Variants in TAFA5 observed in about 807,000 individuals in gnomAD.
TAFA5 encodes chemokine-like protein TAFA-5.
A neutral mutation model predicts 15.3 loss-of-function variants in TAFA5; 6 were observed. That is an observed-to-expected ratio of 0.39 (90% confidence interval 0.21 to 0.77). The LOEUF (loss-of-function observed/expected upper bound fraction) is 0.77, where lower values mean the gene tolerates loss of function less well. Among genes scored for constraint, TAFA5 ranks in the 30% least tolerant of loss-of-function variants. TAFA5 has a pLI of 0.41. For synonymous variants in TAFA5, 103 were observed against 80.7 expected, an observed-to-expected ratio of 1.28 and a Z score of -1.48; for missense variants, 161 against 193.1, an observed-to-expected ratio of 0.83 and a Z score of 0.98.
intron 1 of TAFA5, among the ~76,000 whole-genome samples, chr22:48,602,177 G>A (rs1265099923): frequency 1.3e-5 from 2 of 152,232 alleles, no homozygotes; most frequent in South Asian, 2.1e-4. Context: ...AGGCAGTGAA[G>A]GGGCCTCTCC....
chr22:48,513,673 G>C (rs1248607246), intron 1 of TAFA5, among the ~76,000 whole-genome samples: 2 of 152,236 alleles, frequency 1.3e-5, no homozygotes, highest in Non-Finnish European at 2.9e-5. Context: ...CTGTGGTTCT[G>C]ACAGGGCCCT....
In TAFA5 at chr22:48,583,256, CACTA is replaced by C. The variant is rs1409264923; in HGVS notation, c.113-63340_113-63337del. Among the ~76,000 whole-genome samples, 3 of 147,244 alleles carry C rather than the reference CACTA, an allele frequency of 2.0e-5. No homozygotes were observed. In the East Asian group the frequency reaches 6.2e-4, roughly 31 times the overall value. On this transcript the variant is annotated intron_variant, in intron 1 of 3. Coordinates refer to ENST00000402357, the MANE Select transcript of TAFA5 (RefSeq NM_001082967.3). The stretch of plus-strand genomic sequence containing the variant: ...CACCACACACCGCACACACACCACA[CACTA>C]TACACACACCACACACCACACACAA...
chr22:48,635,109 G>A (rs1256055539), intron 1 of TAFA5, among the ~76,000 whole-genome samples: 2 of 152,116 alleles, frequency 1.3e-5, no homozygotes, highest in Non-Finnish European at 2.9e-5. Flanking sequence ...GGAGAACGCA[G>A]AGCACAGCCG....
intron 2 of TAFA5, among the ~76,000 whole-genome samples, chr22:48,682,365 G>A (rs1309255553): frequency 6.6e-6 from 1 of 152,218 alleles, no homozygotes; most frequent in Non-Finnish European, 1.5e-5. Context: ...AGGGGTTGGG[G>A]CAGAAGGGGT....
rs185105103 is a variant in TAFA5 at position 48,557,763 on chromosome 22, G to A, written c.112+68059G>A. ...CCTTCCTGACCTGCCCTTAGCAGGC[G>A]GTGATGGGCGATCATTGTTCAGGGA... On this transcript the variant is annotated intron_variant, in intron 1 of 3. Coordinates refer to ENST00000402357, the MANE Select transcript of TAFA5 (RefSeq NM_001082967.3). 5.3e-5 allele frequency among the ~76,000 whole-genome samples: 8 copies of A among 152,332 alleles called. No individual in the cohort carries two copies. In the East Asian group the frequency reaches 1.2e-3, roughly 22 times the overall value.
chr22:48,595,668 G>A (rs1463274694), intron 1 of TAFA5, among the ~76,000 whole-genome samples: 1 of 152,284 alleles, frequency 6.6e-6, no homozygotes, highest in East Asian at 1.9e-4. Flanking sequence ...CCATCAGGCT[G>A]CAGGGGACGG....
intron 1 of TAFA5, among the ~76,000 whole-genome samples, chr22:48,608,881 G>C (rs562174534): frequency 6.6e-6 from 1 of 152,368 alleles, no homozygotes; most frequent in South Asian, 2.1e-4. Flanking sequence ...AACACCCCAG[G>C]TTTGCAGCCC....
chr22:48,520,864 C>T (rs1300436912), intron 1 of TAFA5, among the ~76,000 whole-genome samples: 6 of 152,142 alleles, frequency 3.9e-5, no homozygotes, highest in Non-Finnish European at 8.8e-5. Flanking sequence ...GGCTTCAGCA[C>T]ATCCCTCAGG....
At position 48,732,249 on chromosome 22, in the gene TAFA5, TTTG is replaced by T. The variant is rs1170715379; in HGVS notation, c.391-17584_391-17582del. 1.1e-4 allele frequency among the ~76,000 whole-genome samples: 9 copies of T among 80,704 alleles called. No homozygotes were observed. The East Asian group carries it at 1.4e-3, about 13-fold the overall frequency. The allele number at this position is 80,704 out of a possible 152,430, so 52.9% of individuals were successfully genotyped here. A position where few individuals can be genotyped will look rare whatever the true frequency, so the allele number is the denominator to read the frequency against. On this transcript the variant is annotated intron_variant, in intron 3 of 3. Transcript: ENST00000402357. ...GGGATAAGCAATGAAAGTGGGTTTT[TTTG>T]TTGTTTTGTTTTTCTGAGACGGAGT...
chr22:48,501,515 A>G (rs1409923087), intron 1 of TAFA5, among the ~76,000 whole-genome samples: 1 of 152,048 alleles, frequency 6.6e-6, no homozygotes, highest in Non-Finnish European at 1.5e-5. Flanking sequence ...TCTCCAAGGG[A>G]AGGGGCAGTC....
chr22:48,523,402 C>T (rs1921674247), intron 1 of TAFA5, among the ~76,000 whole-genome samples: 2 of 152,256 alleles, frequency 1.3e-5, no homozygotes, highest in Admixed American at 6.5e-5. Flanking sequence ...GGCCGGCTCG[C>T]GGCATTCCGC....
At chr22:48,673,381 G>A (rs2147223575) in intron 2 of TAFA5, among the ~76,000 whole-genome samples, 1 of 152,262 alleles carries the variant, frequency 6.6e-6, no homozygotes, top group South Asian at 2.1e-4. Context: ...CCTGCTGTCA[G>A]TTTCCCTCCC....
chr22:48,626,303 C>A (rs960541434), intron 1 of TAFA5, among the ~76,000 whole-genome samples: 2 of 152,156 alleles, frequency 1.3e-5, no homozygotes, highest in African/African-American at 4.8e-5. Flanking sequence ...TTATATCGGA[C>A]CCCCGCCGGC....
intron 2 of TAFA5, among the ~76,000 whole-genome samples, chr22:48,671,219 C>T (rs998434446): frequency 4.6e-5 from 7 of 152,248 alleles, no homozygotes; most frequent in East Asian, 1.9e-4. Flanking sequence ...TCGAGCCATT[C>T]GGGGAAACAG....
chr22:48,598,625 G>T lies in TAFA5; in HGVS notation c.113-47972G>T, dbSNP rs1398916679. Among the ~76,000 whole-genome samples, 1 of 152,188 alleles carries T rather than the reference G, an allele frequency of 6.6e-6. No homozygotes were observed. Among genetic ancestry groups the T allele is most frequent in the Non-Finnish European group, 1.5e-5 (1 of 68,030 alleles). On this transcript the variant is annotated intron_variant, in intron 1 of 3. Coordinates refer to ENST00000402357, the MANE Select transcript of TAFA5 (RefSeq NM_001082967.3). The surrounding 1 kb of genome is among the most constrained non-coding windows in gnomAD (Gnocchi z 4.0). ...TTCACTCACACTTCTGACACCAAAT[G>T]TGTCAGTTTTTCACACCAACAAGTT...
intron 3 of TAFA5, among the ~76,000 whole-genome samples, chr22:48,718,028 G>A (rs1027067669): frequency 3.9e-5 from 6 of 152,220 alleles, no homozygotes; most frequent in African/African-American, 9.6e-5. Context: ...CTGCCTTCAC[G>A]AGCCCAGGTG....
chr22:48,718,779 T>A (rs1929481794), intron 3 of TAFA5, among the ~76,000 whole-genome samples: 1 of 151,732 alleles, frequency 6.6e-6, no homozygotes, highest in Admixed American at 6.6e-5. Context: ...CTTCCAGTCC[T>A]CCGTGTGAGC....
At position 48,646,661 on chromosome 22, in the gene TAFA5, G is replaced by T; in HGVS notation, c.177G>T (p.Arg59Ser). The T allele has an allele frequency of 1.2e-6, 2 of 1,612,176 alleles. No homozygotes were observed. Among genetic ancestry groups the T allele is most frequent in the Non-Finnish European group, 8.5e-7 (1 of 1,179,748 alleles). ...TLDRDSSQPR[R>S]TIARQTARCA... is the part of the protein sequence containing the mutation. ...ACCGGGACAGCAGCCAGCCTCGGAG[G>T]ACGATCGCCCGGCAGACCGCCCGCT... Residue 59 changes from arginine (R) to serine (S), a missense_variant, in exon 2 of 4, where the codon AGG (arginine) becomes AGT (serine). Physicochemically the swap from Arg to Ser is moderately radical, Grantham distance 110. Transcript: ENST00000402357.
In TAFA5 at chr22:48,707,813, C is replaced by T. The variant is rs777359527; in HGVS notation, c.359C>T (p.Thr120Met). The T allele has an allele frequency of 7.4e-6, 12 of 1,613,628 alleles. No individual in the cohort carries two copies. Among genetic ancestry groups the T allele is most frequent in the Admixed American group, 3.3e-5 (2 of 60,006 alleles). ...LLINRSGWTC[T>M]QPGGRIKTTT... is the part of the protein sequence containing the mutation. ...ATCAACCGGTCAGGCTGGACGTGCA[C>T]GCAGCCCGGCGGGAGGATAAAGACC... Residue 120 changes from threonine (T) to methionine (M), a missense_variant, in exon 3 of 4, where the codon ACG (threonine) becomes ATG (methionine). Transcript: ENST00000402357.
Sources: gnomAD v4.1 joint callset for allele counts (sites outside exome capture counted in the v4.1 genomes callset) on GRCh38, gnomAD v4.1.1 for gene constraint, Gnocchi (gnomAD v3.1) non-coding constraint, MANE v1.5 for transcripts, NCBI Gene and HGNC (gene_info 2026-07-23, HGNC 2026-07-21) for gene names.